SLC5A10: variants seen among roughly 807,000 people sequenced by gnomAD.
SLC5A10 encodes the protein solute carrier family 5 member 10, also known as sodium/mannose cotransporter SLC5A10.
SLC5A10 carries 55 observed loss-of-function variants against 68.9 expected under a neutral mutation model. The observed-to-expected ratio is 0.80, with a 90% CI of 0.64 to 1.00. The LOEUF (loss-of-function observed/expected upper bound fraction) is 1.00, where lower values mean the gene tolerates loss of function less well. SLC5A10 is among the 50% of genes least tolerant of loss of function. The probability of loss-of-function intolerance (pLI) is 0.00; values close to 1 mark genes in which losing one functional copy is unlikely to be tolerated. For missense variants in SLC5A10, 732 were observed against 819.3 expected (o/e 0.89, Z 1.30); for synonymous variants, 344 against 344.8 (o/e 1.00, Z 0.02).
chr17:19,011,077 G>A (rs1462036917), intron 9 of SLC5A10, among the ~76,000 whole-genome samples: 4 of 152,220 alleles, frequency 2.6e-5, no homozygotes, highest in Non-Finnish European at 5.9e-5. Context: ...TGGACCAGGC[G>A]ATACCTGGGA....
chr17:18,959,190 C>A lies in SLC5A10; in HGVS notation c.239C>A (p.Ala80Glu), dbSNP rs181066022. The change falls in exon 3 of 15, where the codon GCG (alanine) becomes GAG (glutamate). Residue 80 changes from alanine to glutamate, a missense_variant. By Grantham distance (107) the Ala-to-Glu change is moderately radical. Coordinates refer to ENST00000395645, the MANE Select transcript of SLC5A10 (RefSeq NM_001042450.4). ...GGCTCTGGCCTCTTCATTGGACTGG[C>A]GGGCTCAGGCGCGGCAGGAGGTCTG... Reference protein sequence around the residue: ...SEGSGLFIGLAGSGAAGGLAV... With the variant: ...SEGSGLFIGLEGSGAAGGLAV... 6.2e-7 allele frequency: 1 copy of A among 1,613,576 alleles called. No homozygotes were observed. The highest frequency in any genetic ancestry group is 1.1e-5 in the South Asian group (1 of 91,078).
rs897884255 is a variant in SLC5A10, at chr17:18,955,021, G to A, written c.111+2705G>A. The stretch of plus-strand genomic sequence containing the variant: ...GAATTGCTTGAAACCGGAAGGCGGA[G>A]GTCGCAATGAGCTGAGATCACGCCA... On this transcript the variant is annotated intron_variant, in intron 1 of 14. Transcript: ENST00000395645. Among the ~76,000 whole-genome samples, 7 of 149,912 alleles carry A rather than the reference G, an allele frequency of 4.7e-5. No individual in the cohort carries two copies. In the East Asian group the frequency reaches 7.8e-4, roughly 17 times the overall value.
chr17:18,995,353 T>TATAC (rs1348586485), intron 9 of SLC5A10, among the ~76,000 whole-genome samples: 1 of 152,128 alleles, frequency 6.6e-6, no homozygotes, highest in Non-Finnish European at 1.5e-5. Context: ...AAAAATATAC[T>TATAC]AGGTGGAATT....
rs957573503 is a variant in SLC5A10, at chr17:18,994,633, A to G, written c.982+17644A>G. ...GCTCACGCAGGACCGGGAATAGTGT[A>G]TGTGCCCCCAGCCAGAACAGAAACC... is the stretch of plus-strand genomic sequence containing the variant. On this transcript the variant is annotated intron_variant, in intron 9 of 14. Coordinates refer to ENST00000395645, the MANE Select transcript of SLC5A10 (RefSeq NM_001042450.4). Among the ~76,000 whole-genome samples the G allele has an allele frequency of 3.1e-4, 47 of 152,170 alleles. 1 individual carries two copies. The highest frequency in any genetic ancestry group is 7.3e-5 in the Non-Finnish European group (5 of 68,032).
In SLC5A10 at chr17:18,982,598, C is replaced by T. The variant is rs536776713; in HGVS notation, c.982+5609C>T. Reference sequence around the variant, plus strand: ...GCGAGTCAGGGCAGGGGAGGACGGCCGGGTGGTGCTTCATCTGCTCTCAGC... The same window carrying T: ...GCGAGTCAGGGCAGGGGAGGACGGCTGGGTGGTGCTTCATCTGCTCTCAGC... On this transcript the variant is annotated intron_variant, in intron 9 of 14. Coordinates refer to ENST00000395645, the MANE Select transcript of SLC5A10 (RefSeq NM_001042450.4). Among the ~76,000 whole-genome samples, 10 of 152,258 alleles carry T rather than the reference C, an allele frequency of 6.6e-5. No homozygotes were observed. In the South Asian group the frequency reaches 1.2e-3, roughly 19 times the overall value.
At chr17:18,986,607 A>G (rs1275680660) in intron 9 of SLC5A10, among the ~76,000 whole-genome samples, 6 of 152,000 alleles carry the variant, frequency 3.9e-5, no homozygotes, top group Non-Finnish European at 7.4e-5. Flanking sequence ...GAAACTCAGA[A>G]CTCTGCAAGC....
rs982386577 is a variant in SLC5A10 at position 18,959,173 on chromosome 17, C to G, written c.222C>G (p.Gly74=). ...TCTTCGCCAGCAGCGAGGGCTCTGG[C>G]CTCTTCATTGGACTGGCGGGCTCAG... ...ASLFASSEGS[G]LFIGLAGSGA... Residue 74 remains glycine, a synonymous_variant, in exon 3 of 15, where the codon GGC becomes GGG. Coordinates refer to ENST00000395645, the MANE Select transcript of SLC5A10 (RefSeq NM_001042450.4). 4.7e-5 allele frequency: 76 copies of G among 1,613,736 alleles called. No individual in the cohort carries two copies. Among genetic ancestry groups the G allele is most frequent in the Non-Finnish European group, 6.2e-5 (73 of 1,179,948 alleles).
At chr17:19,002,769 T>A (rs144487624) in intron 9 of SLC5A10, among the ~76,000 whole-genome samples, 2 of 152,282 alleles carry the variant, frequency 1.3e-5, no homozygotes, top group Non-Finnish European at 2.9e-5. Flanking sequence ...TGACGGTGTG[T>A]CAGCCAAGAA....
At chr17:18,987,798 C>A (rs770316751) in intron 9 of SLC5A10, among the ~76,000 whole-genome samples, 79 of 152,234 alleles carry the variant, frequency 5.2e-4, no homozygotes, top group Non-Finnish European at 8.5e-4. Flanking sequence ...GAATCTAAAA[C>A]CAGTAAATGG....
Position 18,968,160 on chromosome 17 carries a change from C to T in SLC5A10, c.454-892C>T, listed in dbSNP as rs2042749931. 6.6e-6 allele frequency among the ~76,000 whole-genome samples: 1 copy of T among 152,208 alleles called. No individual in the cohort carries two copies. ...GGCCTGGGGCCTGCACTTCCTGGGC[C>T]TCGTGCAGATGTGTCCCCACACTAG... On this transcript the variant is annotated intron_variant, in intron 5 of 14. Coordinates refer to ENST00000395645, the MANE Select transcript of SLC5A10 (RefSeq NM_001042450.4). This position sits in a 1 kb window ranked among gnomAD's most constrained non-coding sequence, Gnocchi z 4.1.
intron 1 of SLC5A10, among the ~76,000 whole-genome samples, 162 bp from the exon 2 acceptor site, chr17:18,958,520 G>C (rs2042547574): frequency 6.6e-6 from 1 of 152,210 alleles, no homozygotes; most frequent in East Asian, 1.9e-4. Flanking sequence ...CTGAGTGGAT[G>C]TGTGTTTTCA....
Position 19,017,924 on chromosome 17 carries a change from A to T in SLC5A10, c.1242-1499A>T, listed in dbSNP as rs1253192113. The stretch of plus-strand genomic sequence containing the variant: ...GGTAAGAAGGCTGGGTAAGAAAGCG[A>T]GGGCCTGGCTGGAGTGGCCCCAGCC... On this transcript the variant is annotated intron_variant, in intron 11 of 14. Transcript: ENST00000395645. The surrounding 1 kb of genome is among the most constrained non-coding windows in gnomAD (Gnocchi z 5.6). 1.3e-5 allele frequency: 2 copies of T among 155,482 alleles called. No individual in the cohort carries two copies. Among genetic ancestry groups the T allele is most frequent in the East Asian group, 3.8e-4 (2 of 5,236 alleles). The allele number at this position is 155,482 out of a possible 1,614,324, so 9.6% of individuals were successfully genotyped here. A position where few individuals can be genotyped will look rare whatever the true frequency, so the allele number is the denominator to read the frequency against.
chr17:19,019,381 G>A lies in SLC5A10; in HGVS notation c.1242-42G>A, dbSNP rs781455683. 5.1e-6 allele frequency: 8 copies of A among 1,584,024 alleles called. No homozygotes were observed. In the Admixed American group the frequency reaches 8.5e-5, roughly 17 times the overall value. On this transcript the variant is annotated intron_variant, in intron 11 of 14. Transcript: ENST00000395645. Reference sequence around the variant, plus strand: ...AGGGGAGGTGGGAGAGAGCTGAAGAGCCTCCCACGACGACCGCTGCCTGCC... The same window carrying A: ...AGGGGAGGTGGGAGAGAGCTGAAGAACCTCCCACGACGACCGCTGCCTGCC...
At chr17:18,960,152 G>T (rs1042260329) in intron 4 of SLC5A10, among the ~76,000 whole-genome samples, 2 of 152,168 alleles carry the variant, frequency 1.3e-5, no homozygotes, top group Non-Finnish European at 2.9e-5. Context: ...CCACTTCCTG[G>T]ATGTCTCTCA....
chr17:19,012,965 T>TGACTTGTC (rs1171280257), intron 9 of SLC5A10, among the ~76,000 whole-genome samples: 14 of 152,032 alleles, frequency 9.2e-5, no homozygotes, highest in Non-Finnish European at 1.0e-4. Context: ...CGCGACTTGT[T>TGACTTGTC]GACTTGTCGC....
chr17:18,969,592 C>A, intron 7 of SLC5A10, 170 bp downstream of exon 7: 1 of 604,854 alleles, frequency 1.7e-6, no homozygotes, highest in Non-Finnish European at 2.8e-6. Context: ...CCCCTGCTGG[C>A]CCCTCAGGGA....
At chr17:19,015,371 G>A (rs186529459) in intron 11 of SLC5A10, among the ~76,000 whole-genome samples, 172 bp downstream of exon 11, 10 of 152,272 alleles carry the variant, frequency 6.6e-5, no homozygotes, top group Non-Finnish European at 7.4e-5. Flanking sequence ...TTGCTCTCCT[G>A]TCCACCTCTG....
rs1276307486 is a variant in SLC5A10, at chr17:18,959,167, C to T, written c.216C>T (p.Gly72=). 1.3e-5 allele frequency: 21 copies of T among 1,613,758 alleles called. No homozygotes were observed. Among genetic ancestry groups the T allele is most frequent in the Non-Finnish European group, 1.7e-5 (20 of 1,179,940 alleles). ...CCTCCCTCTTCGCCAGCAGCGAGGGCTCTGGCCTCTTCATTGGACTGGCGG... is the reference window on the plus strand; with the variant it reads ...CCTCCCTCTTCGCCAGCAGCGAGGGTTCTGGCCTCTTCATTGGACTGGCGG... ...IGASLFASSE[G]SGLFIGLAGS... The change falls in exon 3 of 15, where the codon GGC becomes GGT. Residue 72 remains glycine, a synonymous_variant. Coordinates refer to ENST00000395645, the MANE Select transcript of SLC5A10 (RefSeq NM_001042450.4).
chr17:19,021,844 T>C lies in SLC5A10; in HGVS notation c.*1413T>C. ...GAGGCAGTTAGGAGCCCACGTTCAG[T>C]CCAAGGCCGTCCACTGAGCCCCGTG... On this transcript the variant is annotated 3_prime_UTR_variant, in exon 15 of 15. Transcript: ENST00000395645. The surrounding 1 kb of genome is among the most constrained non-coding windows in gnomAD (Gnocchi z 4.1). 8.5e-7 allele frequency: 1 copy of C among 1,169,684 alleles called. No individual in the cohort carries two copies. The highest frequency in any genetic ancestry group is 1.9e-5 in the South Asian group (1 of 53,638). The allele number at this position is 1,169,684 out of a possible 1,614,324, so 72.5% of individuals were successfully genotyped here.
Sources: gnomAD v4.1 joint callset for allele counts (sites outside exome capture counted in the v4.1 genomes callset) on GRCh38, gnomAD v4.1.1 for gene constraint, Gnocchi (gnomAD v3.1) non-coding constraint, MANE v1.5 for transcripts, NCBI Gene and HGNC (gene_info 2026-07-23, HGNC 2026-07-21) for gene names.